SPATS1: variants seen among roughly 807,000 people sequenced by gnomAD.
The protein encoded by SPATS1 is spermatogenesis associated serine rich 1, also known as spermatogenesis-associated serine-rich protein 1.
A neutral mutation model predicts 33.6 loss-of-function variants in SPATS1; 23 were observed. That is an observed-to-expected ratio of 0.68 (90% CI 0.49 to 0.97). The LOEUF (loss-of-function observed/expected upper bound fraction) is 0.97. Ranked by LOEUF, SPATS1 falls within the 50% of genes least tolerant of loss-of-function variation. SPATS1 has a pLI of 0.00. For missense variants in SPATS1, 327 were observed against 361.0 expected (o/e 0.91, Z 0.76); for synonymous variants, 131 against 125.6 (o/e 1.04, Z -0.29).
chr6:44,356,699 G>A (rs146874008), intron 3 of SPATS1, among the ~76,000 whole-genome samples: 157 of 152,256 alleles, frequency 1.0e-3, no homozygotes, highest in African/African-American at 3.5e-3. Context: ...CTCTACAGAG[G>A]GCATCCCACA....
chr6:44,351,526 C>T (rs1788242143), intron 2 of SPATS1, among the ~76,000 whole-genome samples: 2 of 152,160 alleles, frequency 1.3e-5, no homozygotes, highest in South Asian at 4.1e-4. Flanking sequence ...GTTACATTGC[C>T]ATCTATTGAG....
chr6:44,371,285 A>G lies in SPATS1; in HGVS notation c.758+1172A>G, dbSNP rs377079134. On this transcript the variant is annotated intron_variant, in intron 7 of 8. Transcript: ENST00000674044. ...TGCACTCCAGCCTAGGTGATAGAGC[A>G]AAACCCTGTCTCAAATTAAAAAAAA... Among the ~76,000 whole-genome samples the G allele has an allele frequency of 3.3e-5, 5 of 151,988 alleles. No homozygotes were observed. The South Asian group carries it at 1.0e-3, about 32-fold the overall frequency.
chr6:44,368,313 A>C, intron 5 of SPATS1, 66 bp from the exon 6 acceptor site: 1 of 1,537,862 alleles, frequency 6.5e-7, no homozygotes, highest in Non-Finnish European at 8.9e-7. Flanking sequence ...TCATGCCAAT[A>C]CTTACAGCAA....
In SPATS1 at chr6:44,343,364, A is replaced by T. The variant is rs1787679863; in HGVS notation, c.139+130A>T. The stretch of plus-strand genomic sequence containing the variant: ...AGCTAGTTTGGGGGCATGTAAAAAG[A>T]GCTGCTTGAATAGTAGCTTATGTTT... On this transcript the variant is annotated intron_variant, in intron 2 of 8. Transcript: ENST00000674044. The T allele has an allele frequency of 6.6e-6, 7 of 1,067,272 alleles. No homozygotes were observed. In the Admixed American group the frequency reaches 1.3e-4, roughly 20 times the overall value. The allele number at this position is 1,067,272 out of a possible 1,614,324, so 66.1% of individuals were successfully genotyped here. A position where few individuals can be genotyped will look rare whatever the true frequency, so the allele number is the denominator to read the frequency against.
intron 3 of SPATS1, among the ~76,000 whole-genome samples, chr6:44,357,090 C>T (rs774641648): frequency 6.6e-6 from 1 of 152,012 alleles, no homozygotes; most frequent in African/African-American, 2.4e-5. Context: ...AAAAGAGTCC[C>T]CCTTCATATG....
intron 3 of SPATS1, among the ~76,000 whole-genome samples, chr6:44,356,432 T>A (rs1418634560): frequency 6.6e-6 from 1 of 152,196 alleles, no homozygotes; most frequent in Non-Finnish European, 1.5e-5. Context: ...AACAAACATT[T>A]ATTATCTCAC....
At chr6:44,370,144 C>A (rs753331093) in intron 7 of SPATS1, 31 bp downstream of exon 7, 2 of 1,566,264 alleles carry the variant, frequency 1.3e-6, no homozygotes, top group Middle Eastern at 1.7e-4. Context: ...TTGTGTTATC[C>A]CATCTTTATT....
At position 44,360,553 on chromosome 6, in the gene SPATS1, T is replaced by A. The variant is rs962015968; in HGVS notation, c.395T>A (p.Leu132Gln). ...GATAAATATCCTGAGGAATTCAGCCTGCTTAAGTTGCAGACGAGTAAGTCA... is the reference window on the plus strand; with the variant it reads ...GATAAATATCCTGAGGAATTCAGCCAGCTTAAGTTGCAGACGAGTAAGTCA... ...QKDKYPEEFS[L>Q]LKLQTKDGHR... The change falls in exon 4 of 9, where the codon CTG (leucine) becomes CAG (glutamine). Residue 132 changes from leucine (L) to glutamine (Q), a missense_variant. Physicochemically the swap from Leu to Gln is moderately radical, Grantham distance 113. Transcript: ENST00000674044. 1 of 1,614,200 alleles carries A rather than the reference T, an allele frequency of 6.2e-7. No individual in the cohort carries two copies. The highest frequency in any genetic ancestry group is 8.5e-7 in the Non-Finnish European group (1 of 1,180,026).
intron 7 of SPATS1, among the ~76,000 whole-genome samples, chr6:44,374,949 C>T (rs910697117): frequency 5.9e-5 from 9 of 152,218 alleles, no homozygotes; most frequent in Admixed American, 5.9e-4. Flanking sequence ...GCAGTTTTAT[C>T]AGGGCATTTT....
chr6:44,376,933 T>G, intron 8 of SPATS1, 102 bp from the exon 9 acceptor site: 1 of 1,354,740 alleles, frequency 7.4e-7, no homozygotes, highest in South Asian at 1.2e-5. Context: ...GGTGGTCTCA[T>G]GGGCAGATGT....
At chr6:44,363,343 C>T (rs1224649983) in intron 5 of SPATS1, among the ~76,000 whole-genome samples, 1 of 152,068 alleles carries the variant, frequency 6.6e-6, no homozygotes, top group Non-Finnish European at 1.5e-5. Context: ...CAGGGTTTCT[C>T]CATGTTGCCC....
rs748957558 is a variant in SPATS1 at position 44,368,475 on chromosome 6, T to G, written c.671T>G (p.Met224Arg). The G allele has an allele frequency of 6.2e-7, 1 of 1,612,962 alleles. No homozygotes were observed. The highest frequency in any genetic ancestry group is 8.5e-7 in the Non-Finnish European group (1 of 1,179,376). The change falls in exon 6 of 9, where the codon ATG (methionine) becomes AGG (arginine). Residue 224 changes from methionine to arginine, a missense_variant. Transcript: ENST00000674044. The part of the protein sequence containing the change: ...QSKGFHKAGS[M>R]LPPVNFSIVP... ...AAAGGCTTCCACAAAGCAGGATCAA[T>G]GCTCCCACCAGTGAATTTTTCAATG...
In SPATS1 at chr6:44,369,091, T is replaced by G. The variant is rs563700237; in HGVS notation, c.695+592T>G. ...TTTTGTATTTTCAGTAGAGACGGGGTTTCACCATGTTAGCCAGGATGGTCT... is the reference window on the plus strand; with the variant it reads ...TTTTGTATTTTCAGTAGAGACGGGGGTTCACCATGTTAGCCAGGATGGTCT... On this transcript the variant is annotated intron_variant, in intron 6 of 8. Transcript: ENST00000674044. Among the ~76,000 whole-genome samples the G allele has an allele frequency of 6.6e-5, 10 of 151,586 alleles. 1 individual carries two copies. In the South Asian group the frequency reaches 2.1e-3, roughly 32 times the overall value.
In SPATS1 at chr6:44,352,644, A is replaced by G. The variant is rs185949255; in HGVS notation, c.140-82A>G. The G allele has an allele frequency of 1.8e-5, 24 of 1,346,366 alleles. No homozygotes were observed. The African/African-American group carries it at 2.5e-4, about 14-fold the overall frequency. 83.4% of individuals were successfully genotyped at this position (1,346,366 alleles called of 1,614,324 possible). ...TCAATAAATGTTAGCTGTTTTAAAA[A>G]TTTATTTATAATCTAGGAAACAAAA... On this transcript the variant is annotated intron_variant, in intron 2 of 8. Transcript: ENST00000674044.
In SPATS1 at chr6:44,360,472, T is replaced by A. The variant is rs765738411; in HGVS notation, c.314T>A (p.Leu105His). The A allele has an allele frequency of 6.2e-7, 1 of 1,614,150 alleles. No individual in the cohort carries two copies. Among genetic ancestry groups the A allele is most frequent in the South Asian group, 1.1e-5 (1 of 91,090 alleles). ...ACCACTGCTGACTTGGATCGGAAAC[T>A]CTCCTTCTCACATTCTGATCACTCC... ...VDTTADLDRK[L>H]SFSHSDHSSE... The change falls in exon 4 of 9, where the codon CTC (leucine) becomes CAC (histidine). Residue 105 changes from leucine (L) to histidine (H), a missense_variant. Leu to His is a moderately conservative substitution (Grantham distance 99). Transcript: ENST00000674044.
chr6:44,343,456 C>A, intron 2 of SPATS1: 3 of 643,962 alleles, frequency 4.7e-6, no homozygotes, highest in Non-Finnish European at 8.6e-6. Context: ...AATTACCTCA[C>A]TGGATCTCAC....
chr6:44,362,127 G>A, intron 5 of SPATS1, 135 bp downstream of exon 5: 1 of 1,099,390 alleles, frequency 9.1e-7, no homozygotes, highest in Non-Finnish European at 1.3e-6. Flanking sequence ...CAGGAAGACA[G>A]AAAAGTGAAG....
intron 6 of SPATS1, among the ~76,000 whole-genome samples, chr6:44,369,666 G>A (rs987022302): frequency 3.9e-5 from 6 of 152,052 alleles, no homozygotes; most frequent in African/African-American, 7.3e-5. Flanking sequence ...CAGCCCAGGC[G>A]TTCCAGACCT....
At chr6:44,369,198 T>A (rs756523729) in intron 6 of SPATS1, among the ~76,000 whole-genome samples, 24 of 152,080 alleles carry the variant, frequency 1.6e-4, no homozygotes, top group Non-Finnish European at 3.1e-4. Flanking sequence ...AATATTATTT[T>A]AAAAAATTAA....
Sources: allele counts gnomAD v4.1 joint callset (sites outside exome capture counted in the v4.1 genomes callset), GRCh38; gene constraint gnomAD v4.1.1; transcripts MANE v1.5; gene names NCBI Gene and HGNC (gene_info 2026-07-23, HGNC 2026-07-21).